The following TTC6 variants were observed in gnomAD, a reference collection of about 807,000 sequenced individuals.
TTC6 encodes tetratricopeptide repeat domain 6.
Under a neutral mutation model 210.4 loss-of-function variants are expected in TTC6, and 172 were observed. The observed-to-expected ratio is 0.82, with a 90% CI of 0.72 to 0.93. TTC6 has a LOEUF of 0.93. Ranked by LOEUF, TTC6 falls within the 40% of genes least tolerant of loss-of-function variation. The pLI is 0.00. For missense variants in TTC6, 2,414 were observed against 2,318.1 expected (o/e 1.04, Z -0.85); for synonymous variants, 804 against 819.6 (o/e 0.98, Z 0.32).
intron 7 of TTC6, 43 bp downstream of exon 9, chr14:37,725,045 T>C: frequency 9.2e-7 from 1 of 1,090,964 alleles, no homozygotes; most frequent in East Asian, 2.8e-5. Flanking sequence ...TTGTTGTTAT[T>C]ATTTAATAAA....
intron 17 of TTC6, among the ~76,000 whole-genome samples, chr14:37,794,527 C>T (rs1388964914): frequency 6.6e-6 from 1 of 150,826 alleles, no homozygotes; most frequent in East Asian, 1.9e-4. Flanking sequence ...TGTACAAATT[C>T]AGTTTCTGCG....
intron 7 of TTC6, among the ~76,000 whole-genome samples, chr14:37,727,460 A>T (rs992833817): frequency 2.0e-5 from 3 of 151,288 alleles, no homozygotes; most frequent in Non-Finnish European, 1.5e-5. Flanking sequence ...TGCCTGGCTA[A>T]TTTTTTGTAT....
chr14:37,629,971 T>C (rs1437348686), intron 1 of TTC6, among the ~76,000 whole-genome samples: 3 of 152,292 alleles, frequency 2.0e-5, no homozygotes, highest in Admixed American at 2.0e-4. Flanking sequence ...TCGATCATAG[T>C]GGATAAGCTC....
At chr14:37,671,174 C>T (rs76886889) in intron 1 of TTC6, among the ~76,000 whole-genome samples, 330 of 152,264 alleles carry the variant, frequency 2.2e-3, no homozygotes, top group African/African-American at 5.4e-3. Flanking sequence ...ATGCCTCAGT[C>T]ATAAGACTGG....
chr14:37,828,813 A>G (rs2096178185), intron 29 of TTC6, among the ~76,000 whole-genome samples: 1 of 151,922 alleles, frequency 6.6e-6, no homozygotes, highest in African/African-American at 2.4e-5. Flanking sequence ...TATGTTATTA[A>G]TTAGTTTACA....
intron 14 of TTC6, among the ~76,000 whole-genome samples, chr14:37,778,721 A>G (rs2096045702): frequency 6.6e-6 from 1 of 152,044 alleles, no homozygotes; most frequent in Non-Finnish European, 1.5e-5. Flanking sequence ...TGCCAGTGCA[A>G]GAGGTATGAC....
intron 10 of TTC6, among the ~76,000 whole-genome samples, chr14:37,739,568 T>TAA (rs869033607): frequency 1.6e-5 from 2 of 122,376 alleles, no homozygotes; most frequent in Admixed American, 8.3e-5. Flanking sequence ...GACTCCATCT[T>TAA]AAAAAAAAAA....
chr14:37,706,606 C>G (rs1211548165), intron 5 of TTC6, among the ~76,000 whole-genome samples: 1 of 152,128 alleles, frequency 6.6e-6, no homozygotes, highest in East Asian at 1.9e-4. Context: ...TGCATTGCAA[C>G]CATAATAAAG....
At chr14:37,835,615 G>A (rs1331414816) in intron 29 of TTC6, among the ~76,000 whole-genome samples, 2 of 152,100 alleles carry the variant, frequency 1.3e-5, no homozygotes, top group Admixed American at 6.5e-5. Context: ...CTCCATGGAT[G>A]TAAGTATTAG....
intron 14 of TTC6, among the ~76,000 whole-genome samples, chr14:37,754,738 T>C (rs1303651676): frequency 1.3e-5 from 2 of 152,180 alleles, no homozygotes; most frequent in Non-Finnish European, 2.9e-5. Flanking sequence ...CGGACTGGAC[T>C]CCTTCTTTTT....
In TTC6 at chr14:37,789,596, T is replaced by TTATATATATATA. The variant is rs1283814571; in HGVS notation, c.3437-1111_3437-1100dup. On this transcript the variant is annotated intron_variant, in intron 15 of 30. Coordinates refer to ENST00000553443, the Ensembl canonical transcript of TTC6. ...TGGTGTTGGGACATTTGGTTTCCTCTTATATATATATATATATATATTGTA... is the reference window on the plus strand; with the variant it reads ...TGGTGTTGGGACATTTGGTTTCCTCTTATATATATATATATATATATATATATATATATTGTA... 7.1e-3 allele frequency among the ~76,000 whole-genome samples: 960 copies of TTATATATATATA among 134,422 alleles called. 10 individuals carry two copies. The highest frequency in any genetic ancestry group is 0.02 in the African/African-American group (712 of 35,670). The allele number at this position is 134,422 out of a possible 152,430, so 88.2% of individuals were successfully genotyped here.
intron 7 of TTC6, among the ~76,000 whole-genome samples, chr14:37,725,310 GTGTATATATATATATATATATATATATA>G (rs1396464370): frequency 0.018 from 1,016 of 55,726 alleles, 41 homozygotes; most frequent in African/African-American, 0.044. Context: ...GTGTGTGTGT[GTGTATATATATATATATATATATATATA>G]TATATATATA....
At chr14:37,656,515 G>C (rs1286245608) in intron 1 of TTC6, among the ~76,000 whole-genome samples, 3 of 6,398 alleles carry the variant, frequency 4.7e-4, no homozygotes, top group African/African-American at 1.8e-3. Flanking sequence ...GTGTGTGTGC[G>C]TGTGTGTGTG....
Position 37,751,220 on chromosome 14 carries a change from T to C in TTC6, c.3124T>C (p.Ser1042Pro), listed in dbSNP as rs1233688310. ...CAAAGTACTGGCCATTGATGACTTT[T>C]CGAAAGTAAGCTTTATCACATATAA... Residue 1042 changes from serine (S) to proline (P), a missense_variant, in exon 13 of 31, where the codon TCG (serine) becomes CCG (proline). Coordinates refer to ENST00000553443, the Ensembl canonical transcript of TTC6. The C allele has an allele frequency of 2.0e-6, 3 of 1,520,490 alleles. No individual in the cohort carries two copies. In the Admixed American group the frequency reaches 6.1e-5, roughly 31 times the overall value. 94.2% of individuals were successfully genotyped at this position (1,520,490 alleles called of 1,614,324 possible).
rs1045592643 is a variant in TTC6, at chr14:37,625,352, A to G, written c.939+2349A>G. Among the ~76,000 whole-genome samples the G allele has an allele frequency of 2.0e-5, 3 of 151,932 alleles. No individual in the cohort carries two copies. The East Asian group carries it at 5.9e-4, about 30-fold the overall frequency. On this transcript the variant is annotated intron_variant, in intron 1 of 30. Transcript: ENST00000553443. Reference sequence around the variant, plus strand: ...CACCTGAGGTCAGGAGTTCGAGACCAGCCTGGCCAACATGGTGAAACCCCA... The same window carrying G: ...CACCTGAGGTCAGGAGTTCGAGACCGGCCTGGCCAACATGGTGAAACCCCA...
At chr14:37,599,493 GCAAA>G (rs1411050611) in intron 1 of TTC6, among the ~76,000 whole-genome samples, 8 of 152,304 alleles carry the variant, frequency 5.3e-5, no homozygotes, top group Non-Finnish European at 1.5e-5. Context: ...TTTTATTGAA[GCAAA>G]CAAACAAAAA....
intron 1 of TTC6, among the ~76,000 whole-genome samples, chr14:37,672,451 A>C (rs956859974): frequency 2.0e-5 from 3 of 152,212 alleles, no homozygotes; most frequent in African/African-American, 7.2e-5. Flanking sequence ...AACTAACTGA[A>C]ACTTCTTCAG....
chr14:37,693,983 CA>C (rs2095809565), intron 3 of TTC6, among the ~76,000 whole-genome samples: 2 of 9,268 alleles, frequency 2.2e-4, no homozygotes, highest in East Asian at 0.021. Context: ...ACCACAAAAA[CA>C]AACAAACAAA....
intron 1 of TTC6, among the ~76,000 whole-genome samples, chr14:37,637,736 C>T (rs1001707197): frequency 2.4e-4 from 36 of 152,222 alleles, no homozygotes; most frequent in African/African-American, 8.4e-4. Context: ...TGTTTAAAAT[C>T]ATTCATCATT....
Sources: gnomAD v4.1 joint callset for allele counts (sites outside exome capture counted in the v4.1 genomes callset) on GRCh38, gnomAD v4.1.1 for gene constraint, MANE v1.5 for transcripts, NCBI Gene and HGNC (gene_info 2026-07-23, HGNC 2026-07-21) for gene names.